Variants in SHANK2 observed in about 807,000 individuals in gnomAD.
SHANK2 encodes SH3 and multiple ankyrin repeat domains 2.
Under a neutral mutation model 133.7 loss-of-function variants are expected in SHANK2, and 43 were observed. The ratio of observed to expected loss-of-function variants is 0.32; its 90% CI spans 0.25 to 0.41. The LOEUF (loss-of-function observed/expected upper bound fraction) is 0.41. Among genes scored for constraint, SHANK2 ranks in the 10% least tolerant of loss-of-function variants. The probability of loss-of-function intolerance (pLI) is 1.00; values close to 1 mark genes in which losing one functional copy is unlikely to be tolerated. For missense variants in SHANK2, 1,994 were observed against 2,235.8 expected (o/e 0.89, Z 2.18); for synonymous variants, 1,017 against 952.8 (o/e 1.07, Z -1.24).
intron 14 of SHANK2, among the ~76,000 whole-genome samples, chr11:70,783,126 C>G (rs1272791993): frequency 6.6e-6 from 1 of 152,146 alleles, no homozygotes; most frequent in Non-Finnish European, 1.5e-5. Flanking sequence ...GAAGAGGGCC[C>G]TTCCCAGAAA....
At chr11:70,674,746 G>A (rs1944877600) in intron 15 of SHANK2, among the ~76,000 whole-genome samples, 1 of 152,228 alleles carries the variant, frequency 6.6e-6, no homozygotes, top group Non-Finnish European at 1.5e-5. Flanking sequence ...GGTGGTCCCT[G>A]TTGCAACTAC....
chr11:70,920,372 T>G (rs535231432), intron 10 of SHANK2, among the ~76,000 whole-genome samples: 9 of 152,144 alleles, frequency 5.9e-5, no homozygotes, highest in Admixed American at 1.3e-4. Context: ...GGTTTACAAG[T>G]GTGAACTGCC....
intron 6 of SHANK2, among the ~76,000 whole-genome samples, chr11:71,098,751 C>T (rs1279267168): frequency 6.6e-6 from 1 of 152,134 alleles, no homozygotes; most frequent in Non-Finnish European, 1.5e-5. Flanking sequence ...GAGGAAGGGG[C>T]CGATCTTGCA....
At chr11:70,912,536 C>G (rs115235977) in intron 10 of SHANK2, among the ~76,000 whole-genome samples, 1,991 of 152,182 alleles carry the variant, frequency 0.013, 40 homozygotes, top group African/African-American at 0.044. Context: ...TTACTGTCAC[C>G]ATGTAAGAAG....
intron 11 of SHANK2, among the ~76,000 whole-genome samples, chr11:70,868,996 G>A (rs1949416559): frequency 6.6e-6 from 1 of 152,216 alleles, no homozygotes; most frequent in Non-Finnish European, 1.5e-5. Flanking sequence ...TGTATAGGGA[G>A]ATGGGCTTTA....
At chr11:70,600,717 G>T (rs896638921) in intron 17 of SHANK2, among the ~76,000 whole-genome samples, 2 of 152,142 alleles carry the variant, frequency 1.3e-5, no homozygotes, top group Non-Finnish European at 2.9e-5. Flanking sequence ...AATGCTGCTG[G>T]AAGGATGGGG....
At chr11:70,799,788 C>T (rs1555050100) in intron 13 of SHANK2, among the ~76,000 whole-genome samples, 2 of 152,220 alleles carry the variant, frequency 1.3e-5, no homozygotes, top group Non-Finnish European at 1.5e-5. Context: ...CATCCCTCCC[C>T]AGCCCATGTA....
chr11:71,218,959 T>A (rs1431388013), intron 2 of SHANK2, among the ~76,000 whole-genome samples: 1 of 152,100 alleles, frequency 6.6e-6, no homozygotes, highest in Non-Finnish European at 1.5e-5. Context: ...GAGAGTGGCA[T>A]CTGTGCACCC....
chr11:70,678,222 C>T (rs1170169413), intron 15 of SHANK2, among the ~76,000 whole-genome samples: 1 of 151,992 alleles, frequency 6.6e-6, no homozygotes, highest in Non-Finnish European at 1.5e-5. Flanking sequence ...TCTTGGCTCA[C>T]TGCAACCTTC....
At chr11:70,669,117 A>T (rs1944743186) in intron 15 of SHANK2, 1 of 152,260 alleles carries the variant, frequency 6.6e-6, no homozygotes, top group Non-Finnish European at 1.5e-5. Context: ...TCCAATGATC[A>T]TGCTTCCATC....
chr11:71,148,078 C>T (rs1555107137), intron 2 of SHANK2, among the ~76,000 whole-genome samples: 1 of 139,174 alleles, frequency 7.2e-6, no homozygotes, highest in Non-Finnish European at 1.5e-5. Flanking sequence ...TAGACCAAGG[C>T]TTCTTGTTTT....
Position 70,485,423 on chromosome 11 carries a change from T to C in SHANK2, c.4870A>G (p.Ile1624Val), listed in dbSNP as rs1447305213. 3 of 1,613,942 alleles carry C rather than the reference T, an allele frequency of 1.9e-6. No homozygotes were observed. Among genetic ancestry groups the C allele is most frequent in the Non-Finnish European group, 2.5e-6 (3 of 1,180,050 alleles). Residue 1624 changes from isoleucine (I) to valine (V), a missense_variant, in exon 25 of 26, where the codon ATT (isoleucine) becomes GTT (valine). Around this residue, in one of 5 missense-constraint regions of SHANK2, gnomAD observed 797 missense variants for 907.4 expected, o/e 0.88. Transcript: ENST00000601538. The surrounding 1 kb of genome is among the most constrained non-coding windows in gnomAD (Gnocchi z 5.8). The part of the protein sequence containing the change: ...PILSGPKANV[I>V]SELNSILQQM... Reference sequence around the variant, plus strand: ...TGTAGGATAGAGTTCAATTCACTAATAACGTTTGCCTTTGGGCCTGAGAGA... The same window carrying C: ...TGTAGGATAGAGTTCAATTCACTAACAACGTTTGCCTTTGGGCCTGAGAGA...
intron 2 of SHANK2, among the ~76,000 whole-genome samples, chr11:71,186,237 A>G (rs781786936): frequency 6.6e-6 from 1 of 152,236 alleles, no homozygotes; most frequent in African/African-American, 2.4e-5. Context: ...GCAAAACACA[A>G]GTCAACACCT....
At chr11:70,953,515 A>G in intron 10 of SHANK2, among the ~76,000 whole-genome samples, 1 of 151,798 alleles carries the variant, frequency 6.6e-6, no homozygotes, top group East Asian at 2.0e-4. Flanking sequence ...TGTAGGTCCC[A>G]GAGTCCAAAG....
intron 2 of SHANK2, among the ~76,000 whole-genome samples, chr11:71,222,285 C>T (rs1465022974): frequency 1.3e-5 from 2 of 152,212 alleles, no homozygotes; most frequent in Non-Finnish European, 2.9e-5. Flanking sequence ...TCCCAGCCTT[C>T]GTGAGTTGCC....
chr11:71,194,543 G>A (rs935697430), intron 2 of SHANK2, among the ~76,000 whole-genome samples: 1 of 152,206 alleles, frequency 6.6e-6, no homozygotes, highest in Non-Finnish European at 1.5e-5. Context: ...GCCAATGGGA[G>A]GGGGGCAGGT....
chr11:70,494,778 A>G (rs551682024), intron 21 of SHANK2, among the ~76,000 whole-genome samples: 1 of 152,154 alleles, frequency 6.6e-6, no homozygotes, highest in East Asian at 1.9e-4. Flanking sequence ...AAAGCAAGAA[A>G]GCCCTTGCCC....
intron 3 of SHANK2, among the ~76,000 whole-genome samples, chr11:71,138,443 G>A (rs1952490102): frequency 6.6e-6 from 1 of 152,238 alleles, no homozygotes; most frequent in Non-Finnish European, 1.5e-5. Flanking sequence ...TCCTGAAGGT[G>A]GAGGAGGTGA....
At chr11:71,128,846 G>A (rs1264404018) in intron 3 of SHANK2, among the ~76,000 whole-genome samples, 3 of 152,142 alleles carry the variant, frequency 2.0e-5, no homozygotes, top group Non-Finnish European at 4.4e-5. Flanking sequence ...GTGCAGTGGT[G>A]CAATCTCAGC....
Sources: allele counts gnomAD v4.1 joint callset (sites outside exome capture counted in the v4.1 genomes callset), GRCh38; gene constraint gnomAD v4.1.1; regional missense constraint gnomAD v4.1.1; non-coding constraint Gnocchi (gnomAD v3.1); transcripts MANE v1.5; gene names NCBI Gene and HGNC (gene_info 2026-07-23, HGNC 2026-07-21).